Variants in LPIN1 observed in about 807,000 individuals in gnomAD.
LPIN1 encodes the protein phosphatidate phosphatase LPIN1.
A neutral mutation model predicts 107.5 loss-of-function variants in LPIN1; 71 were observed. The observed-to-expected ratio is 0.66, with a 90% CI of 0.55 to 0.80. The LOEUF (loss-of-function observed/expected upper bound fraction) is 0.80. Ranked by LOEUF, LPIN1 falls within the 30% of genes least tolerant of loss-of-function variation. LPIN1 has a pLI of 0.00. For missense variants in LPIN1, 1,043 were observed against 1,160.6 expected, an observed-to-expected ratio of 0.90 and a Z score of 1.47; for synonymous variants, 445 against 452.6, an observed-to-expected ratio of 0.98 and a Z score of 0.21.
Position 11,773,612 on chromosome 2 carries a change from T to C in LPIN1, c.597-8T>C. On this transcript the variant is annotated splice_polypyrimidine_tract_variant and splice_region_variant and intron_variant, in intron 4 of 20. Transcript: ENST00000674199. Reference sequence around the variant, plus strand: ...TCTTTGACTTTAATCTTTTTTTTTTTCCTCCAGAACTCTTCCTAATGATAT... The same window carrying C: ...TCTTTGACTTTAATCTTTTTTTTTTCCCTCCAGAACTCTTCCTAATGATAT... 1 of 1,604,634 alleles carries C rather than the reference T, an allele frequency of 6.2e-7. No homozygotes were observed. The highest frequency in any genetic ancestry group is 8.5e-7 in the Non-Finnish European group (1 of 1,172,408).
chr2:11,688,818 G>A (rs1363311976), intron 1 of LPIN1, among the ~76,000 whole-genome samples: 1 of 152,190 alleles, frequency 6.6e-6, no homozygotes, highest in Non-Finnish European at 1.5e-5. Context: ...AAAGGGACTT[G>A]GCTAGTCGGT....
chr2:11,685,377 C>T (rs1661952825), intron 1 of LPIN1, among the ~76,000 whole-genome samples: 1 of 152,156 alleles, frequency 6.6e-6, no homozygotes, highest in Admixed American at 6.5e-5. Context: ...TAAGGGGACC[C>T]ACCTCCTGGG....
chr2:11,738,380 A>G (rs1191376125), intron 1 of LPIN1, among the ~76,000 whole-genome samples: 1 of 146,320 alleles, frequency 6.8e-6, no homozygotes, highest in Non-Finnish European at 1.5e-5. Context: ...AACTTAAGGT[A>G]TAATTAAAAA....
intron 3 of LPIN1, among the ~76,000 whole-genome samples, chr2:11,769,292 T>C (rs1671478528): frequency 6.6e-6 from 1 of 152,264 alleles, no homozygotes; most frequent in Admixed American, 6.5e-5. Flanking sequence ...TTTATGGTTA[T>C]GATTTGCATT....
chr2:11,826,390 G>A lies in LPIN1; in HGVS notation c.*1599G>A. The A allele has an allele frequency of 6.6e-6, 1 of 152,502 alleles. No homozygotes were observed. The allele number at this position is 152,502 out of a possible 1,614,324, so 9.4% of individuals were successfully genotyped here. On this transcript the variant is annotated 3_prime_UTR_variant, in exon 21 of 21. Coordinates refer to ENST00000674199, the MANE Select transcript of LPIN1 (RefSeq NM_001349206.2). ...CGCAGATTTCTGTAGAAACACGGAT[G>A]TGCATGTGCAGATTCCCTTTTGCAG...
intron 14 of LPIN1, among the ~76,000 whole-genome samples, chr2:11,796,449 G>C (rs1355829680): frequency 6.6e-6 from 1 of 152,152 alleles, no homozygotes; most frequent in Non-Finnish European, 1.5e-5. Context: ...CACGTGGGAG[G>C]CAGGTGGGAA....
intron 17 of LPIN1, among the ~76,000 whole-genome samples, chr2:11,813,116 G>A (rs529314787): frequency 6.6e-6 from 1 of 152,274 alleles, no homozygotes; most frequent in African/African-American, 2.4e-5. Flanking sequence ...TGGTTTTGGA[G>A]GTACCCATTT....
chr2:11,763,926 T>C (rs1022756032), intron 1 of LPIN1, among the ~76,000 whole-genome samples: 3 of 151,148 alleles, frequency 2.0e-5, no homozygotes, highest in African/African-American at 4.9e-5. Context: ...CCCTTAGTGT[T>C]TACTTAAAAC....
chr2:11,678,813 T>A (rs903933725), intron 1 of LPIN1, among the ~76,000 whole-genome samples: 1 of 152,196 alleles, frequency 6.6e-6, no homozygotes, highest in African/African-American at 2.4e-5. Context: ...ATTTCCTGAA[T>A]GGACCGGAGG....
intron 1 of LPIN1, among the ~76,000 whole-genome samples, chr2:11,691,108 T>C (rs925241871): frequency 4.7e-5 from 7 of 148,372 alleles, no homozygotes; most frequent in Non-Finnish European, 1.0e-4. Context: ...TTCTCTCTCC[T>C]TTAATACCCC....
intron 2 of LPIN1, among the ~76,000 whole-genome samples, chr2:11,718,858 C>A (rs953012023): frequency 1.6e-4 from 25 of 152,148 alleles, no homozygotes; most frequent in Non-Finnish European, 2.2e-4. Context: ...TAATAGATAT[C>A]AGCTGATGAG....
At position 11,765,387 on chromosome 2, in the gene LPIN1, G is replaced by T. The variant is rs1317590191; in HGVS notation, c.-9-146G>T. 1 of 725,662 alleles carries T rather than the reference G, an allele frequency of 1.4e-6. No homozygotes were observed. The highest frequency in any genetic ancestry group is 1.8e-5 in the African/African-American group (1 of 56,500). 45.0% of individuals were successfully genotyped at this position (725,662 alleles called of 1,614,324 possible). Reference sequence around the variant, plus strand: ...CTGATGGACCCTGATGGGCTATGGGGGTGGATAGAACACATTCCGGAAATG... The same window carrying T: ...CTGATGGACCCTGATGGGCTATGGGTGTGGATAGAACACATTCCGGAAATG... On this transcript the variant is annotated intron_variant, in intron 1 of 20. Transcript: ENST00000674199. This position sits in a 1 kb window ranked among gnomAD's most constrained non-coding sequence, Gnocchi z 4.4.
chr2:11,806,569 C>G (rs1436432947), intron 17 of LPIN1, among the ~76,000 whole-genome samples: 1 of 152,046 alleles, frequency 6.6e-6, no homozygotes, highest in Non-Finnish European at 1.5e-5. Flanking sequence ...CCCCCCATCT[C>G]TCTAAAAAAA....
At chr2:11,816,713 G>C (rs996635975) in intron 18 of LPIN1, 1 of 151,250 alleles carries the variant, frequency 6.6e-6, no homozygotes, top group African/African-American at 2.4e-5. Flanking sequence ...AATTGCTAGC[G>C]AAGGCTGCCC....
At chr2:11,806,085 G>A (rs1370413655) in intron 17 of LPIN1, among the ~76,000 whole-genome samples, 1 of 152,242 alleles carries the variant, frequency 6.6e-6, no homozygotes, top group Non-Finnish European at 1.5e-5. Context: ...CTCTCCGTGG[G>A]TGAGGTGGGT....
At chr2:11,754,403 C>T (rs985311721) in intron 1 of LPIN1, among the ~76,000 whole-genome samples, 3 of 152,180 alleles carry the variant, frequency 2.0e-5, no homozygotes, top group Non-Finnish European at 4.4e-5. Context: ...ATGAATCACT[C>T]GGAGCTGAGC....
Position 11,803,420 on chromosome 2 carries a change from A to C in LPIN1, c.2013+387A>C, listed in dbSNP as rs776655859. On this transcript the variant is annotated intron_variant, in intron 15 of 20. Coordinates refer to ENST00000674199, the MANE Select transcript of LPIN1 (RefSeq NM_001349206.2). This position sits in a 1 kb window ranked among gnomAD's most constrained non-coding sequence, Gnocchi z 4.2. ...CAAATGCATCTCTTAAGTTGGTGGA[A>C]ATCAAGCAGTTGTGATAGAATTTAG... is the stretch of plus-strand genomic sequence containing the variant. Among the ~76,000 whole-genome samples, 1 of 152,196 alleles carries C rather than the reference A, an allele frequency of 6.6e-6. No homozygotes were observed. The highest frequency in any genetic ancestry group is 1.9e-4 in the East Asian group (1 of 5,202).
intron 1 of LPIN1, among the ~76,000 whole-genome samples, chr2:11,684,280 C>A (rs952373266): frequency 6.6e-6 from 1 of 152,196 alleles, no homozygotes; most frequent in Non-Finnish European, 1.5e-5. Context: ...CTCAACCAAT[C>A]CTCCCACCTC....
intron 1 of LPIN1, among the ~76,000 whole-genome samples, chr2:11,740,687 A>G (rs891237752): frequency 3.7e-5 from 3 of 80,598 alleles, no homozygotes; most frequent in African/African-American, 2.8e-4. Flanking sequence ...CTATCTCGAA[A>G]AAAAAAAAAA....
Sources: allele counts gnomAD v4.1 joint callset (sites outside exome capture counted in the v4.1 genomes callset), GRCh38; gene constraint gnomAD v4.1.1; non-coding constraint Gnocchi (gnomAD v3.1); transcripts MANE v1.5; gene names NCBI Gene and HGNC (gene_info 2026-07-23, HGNC 2026-07-21).